The following ZNF469 variants were observed in gnomAD, a reference collection of about 807,000 sequenced individuals.
ZNF469 encodes the protein zinc finger protein 469.
ZNF469 carries 1 observed loss-of-function variant against 1.0 expected under a neutral mutation model. The ratio of observed to expected loss-of-function variants is 1.00; its 90% CI spans 0.35 to 4.73. The LOEUF is 4.73. Among genes scored for constraint, ZNF469 ranks in the 30% most tolerant of loss-of-function variants. ZNF469 has a pLI of 0.16. For synonymous variants in ZNF469, 2,703 were observed against 2,363.4 expected (o/e 1.14, Z -4.17); for missense variants, 6,100 against 5,356.3 (o/e 1.14, Z -4.33).
At chr16:88,244,434 T>TGG in the ZNF469 span, among the ~76,000 whole-genome samples, 3 of 130,012 alleles carry the variant, frequency 2.3e-5, no homozygotes, top group African/African-American at 8.2e-5. Flanking sequence ...GATGGATGGA[T>TGG]AGGTGGATAG....
chr16:88,205,041 G>A, the ZNF469 span, among the ~76,000 whole-genome samples: 2 of 152,264 alleles, frequency 1.3e-5, no homozygotes, highest in African/African-American at 4.8e-5. The surrounding 1 kb of genome is among the most constrained non-coding windows in gnomAD (Gnocchi z 4.2). Context: ...CAGAGCCTGC[G>A]TCCATCGCCA....
intron 1 of ZNF469, among the ~76,000 whole-genome samples, chr16:88,423,633 T>A (rs1905578729): frequency 6.6e-6 from 1 of 152,156 alleles, no homozygotes; most frequent in Non-Finnish European, 1.5e-5. Flanking sequence ...AAGGTTGCGG[T>A]CAGAATGTCA....
chr16:88,283,406 A>C, the ZNF469 span, among the ~76,000 whole-genome samples: 1 of 152,196 alleles, frequency 6.6e-6, no homozygotes, highest in Non-Finnish European at 1.5e-5. Flanking sequence ...GAAATGCATC[A>C]AAAAATAAGA....
the ZNF469 span, among the ~76,000 whole-genome samples, chr16:88,254,472 T>G: frequency 6.6e-6 from 1 of 152,176 alleles, no homozygotes; most frequent in African/African-American, 2.4e-5. Flanking sequence ...AGAGATCATC[T>G]GGCAGCCGGG....
chr16:88,146,281 T>C, the ZNF469 span, among the ~76,000 whole-genome samples: 1 of 152,156 alleles, frequency 6.6e-6, no homozygotes, highest in African/African-American at 2.4e-5. Flanking sequence ...GCAGGGACCC[T>C]CGCTGCGGGC....
At chr16:88,179,858 G>C in the ZNF469 span, among the ~76,000 whole-genome samples, 1 of 152,266 alleles carries the variant, frequency 6.6e-6, no homozygotes, top group African/African-American at 2.4e-5. Flanking sequence ...GGTAACAACA[G>C]TACCAAGTAT....
chr16:88,281,563 C>A, the ZNF469 span, among the ~76,000 whole-genome samples: 2 of 148,460 alleles, frequency 1.3e-5, no homozygotes, highest in African/African-American at 5.0e-5. Flanking sequence ...TAGTGCTGTG[C>A]CACACCAATG....
chr16:88,147,522 A>G, the ZNF469 span, among the ~76,000 whole-genome samples: 29,524 of 151,728 alleles, frequency 0.19, 3,314 homozygotes, highest in East Asian at 0.5. Context: ...GCCAGGAGAG[A>G]TTCTGGTCGG....
the ZNF469 span, among the ~76,000 whole-genome samples, chr16:88,280,368 G>A: frequency 1.2e-3 from 190 of 152,124 alleles, 7 homozygotes; most frequent in African/African-American, 4.5e-3. Context: ...CTGTGCTGAT[G>A]TTGGTGCACA....
At chr16:88,286,406 C>T in the ZNF469 span, among the ~76,000 whole-genome samples, 1,027 of 152,362 alleles carry the variant, frequency 6.7e-3, 12 homozygotes, top group African/African-American at 0.023. Context: ...GCTCTGAGCT[C>T]GCTGGTGCCC....
intron 1 of ZNF469, among the ~76,000 whole-genome samples, chr16:88,423,387 C>T (rs9938564): frequency 0.83 from 126,629 of 152,026 alleles, 54,490 homozygotes; most frequent in South Asian, 0.96. Flanking sequence ...AGTTCTTCAC[C>T]CTCCCTGGGC....
the ZNF469 span, among the ~76,000 whole-genome samples, chr16:88,309,768 G>A: frequency 0.033 from 5,043 of 152,208 alleles, 122 homozygotes; most frequent in South Asian, 0.069. Flanking sequence ...GTGCCCTCTC[G>A]GTGCCAGGGA....
At chr16:88,374,945 T>C in the ZNF469 span, among the ~76,000 whole-genome samples, 1 of 152,168 alleles carries the variant, frequency 6.6e-6, no homozygotes, top group African/African-American at 2.4e-5. Flanking sequence ...CAGCGTTCAG[T>C]GTGGTGGAAT....
chr16:88,380,081 TCA>T (rs1282849416), upstream of ZNF469, among the ~76,000 whole-genome samples: 1 of 150,820 alleles, frequency 6.6e-6, no homozygotes, highest in Admixed American at 6.6e-5. Flanking sequence ...AGACACGCAC[TCA>T]CACACACAAA....
the ZNF469 span, among the ~76,000 whole-genome samples, chr16:88,376,991 C>T: frequency 6.6e-6 from 1 of 152,228 alleles, no homozygotes; most frequent in Non-Finnish European, 1.5e-5. Context: ...CCGGGAGGGC[C>T]AGAGGCACCA....
the ZNF469 span, among the ~76,000 whole-genome samples, chr16:88,337,903 C>T: frequency 5.9e-5 from 9 of 152,276 alleles, 1 homozygote; most frequent in African/African-American, 1.7e-4. Context: ...CTCAGATGGA[C>T]GGTTTGCCAA....
At chr16:88,394,135 G>T in intron 1 of ZNF469, among the ~76,000 whole-genome samples, 2 of 149,652 alleles carry the variant, frequency 1.3e-5, no homozygotes, top group Non-Finnish European at 3.0e-5. Flanking sequence ...GGTTTGACAC[G>T]CCTACACCTG....
chr16:88,348,672 G>A, the ZNF469 span, among the ~76,000 whole-genome samples: 12 of 152,320 alleles, frequency 7.9e-5, no homozygotes, highest in South Asian at 1.7e-3. Context: ...GACCCCTGCC[G>A]TGAGACGTGG....
chr16:88,376,675 G>A, the ZNF469 span, among the ~76,000 whole-genome samples: 3 of 152,252 alleles, frequency 2.0e-5, no homozygotes, highest in Non-Finnish European at 4.4e-5. Flanking sequence ...TGTCTGGAGA[G>A]AGCAGCTGCC....
Sources: allele counts gnomAD v4.1 joint callset (sites outside exome capture counted in the v4.1 genomes callset), GRCh38; gene constraint gnomAD v4.1.1; non-coding constraint Gnocchi (gnomAD v3.1); transcripts MANE v1.5; gene names NCBI Gene and HGNC (gene_info 2026-07-23, HGNC 2026-07-21).